The following KIAA1755 variants were observed in gnomAD, a reference collection of about 807,000 sequenced individuals.
The protein encoded by KIAA1755 is uncharacterized protein KIAA1755.
In KIAA1755, 68 loss-of-function variants were observed where a neutral mutation model predicts 91.7. The ratio of observed to expected loss-of-function variants is 0.74; its 90% CI spans 0.61 to 0.91. The LOEUF is 0.91. Ranked by LOEUF, KIAA1755 falls within the 40% of genes least tolerant of loss-of-function variation. The probability of loss-of-function intolerance (pLI) is 0.00; values close to 1 mark genes in which losing one functional copy is unlikely to be tolerated. For missense variants in KIAA1755, 1,535 were observed against 1,494.4 expected (o/e 1.03, Z -0.45); for synonymous variants, 610 against 604.6 (o/e 1.01, Z -0.13).
chr20:38,217,440 T>G lies in KIAA1755; in HGVS notation c.2714A>C (p.Gln905Pro). Residue 905 changes from glutamine (Q) to proline (P), a missense_variant, in exon 13 of 14, where the codon CAG becomes CCG. By Grantham distance (76) the Gln-to-Pro change is moderately conservative. Transcript: ENST00000279024. Reference sequence around the variant, plus strand: ...GGCTGTAGCTCCCAGCTGAGCGGCCTGCTTGGACAGCTCCAGGCCTCGGCG... The same window carrying G: ...GGCTGTAGCTCCCAGCTGAGCGGCCGGCTTGGACAGCTCCAGGCCTCGGCG... The part of the protein sequence containing the change: ...QYRRGLELSK[Q>P]AAQLGATARG... The G allele has an allele frequency of 6.2e-7, 1 of 1,612,330 alleles. No homozygotes were observed. The highest frequency in any genetic ancestry group is 1.1e-5 in the South Asian group (1 of 90,664).
chr20:38,233,453 C>T (rs560285216), intron 4 of KIAA1755: 27 of 152,244 alleles, frequency 1.8e-4, no homozygotes, highest in Admixed American at 5.9e-4. Context: ...AAAATCCTAT[C>T]GCAGCTGTTT....
chr20:38,213,642 G>C lies in KIAA1755; in HGVS notation c.3003C>G (p.Tyr1001Ter). The change falls in exon 14 of 14, where the codon TAC (tyrosine) becomes TAG (stop). Residue 1001 changes from tyrosine to a stop codon, truncating the protein, a stop_gained. Coordinates refer to ENST00000279024, the MANE Select transcript of KIAA1755 (RefSeq NM_001029864.2). LOFTEE classifies it low-confidence loss of function (END_TRUNC). Reference protein sequence around the residue: ...SPGDQRRLHRYLQRLASEFPA... With the variant: ...SPGDQRRLHR Reference sequence around the variant, plus strand: ...GGAACTCAGATGCCAGTCGCTGCAGGTAGCGGTGGAGGCGGCGCTGGTCCC... The same window carrying C: ...GGAACTCAGATGCCAGTCGCTGCAGCTAGCGGTGGAGGCGGCGCTGGTCCC... 1 of 1,610,270 alleles carries C rather than the reference G, an allele frequency of 6.2e-7. No individual in the cohort carries two copies. Among genetic ancestry groups the C allele is most frequent in the Non-Finnish European group, 8.5e-7 (1 of 1,178,272 alleles).
At chr20:38,259,784 GA>G (rs1402495783) in intron 1 of KIAA1755, among the ~76,000 whole-genome samples, 1 of 148,240 alleles carries the variant, frequency 6.7e-6, no homozygotes, top group African/African-American at 2.6e-5. Context: ...CCTGTTGCCA[GA>G]TACTGGCACA....
rs1344772973 is a variant in KIAA1755, at chr20:38,241,866, C to A, written c.265G>T (p.Val89Leu). The stretch of plus-strand genomic sequence containing the variant: ...GGGTTGAGGGGTGCCAAGTGGACCA[C>A]AACTTCATCCCTCAGACAGAGTGGC... ...GWPLCLRDEV[V>L]VHLAPLNPLL... Residue 89 changes from valine to leucine, a missense_variant, in exon 3 of 14, where the codon GTG becomes TTG. Physicochemically the swap from Val to Leu is conservative, Grantham distance 32. Coordinates refer to ENST00000279024, the MANE Select transcript of KIAA1755 (RefSeq NM_001029864.2). 3 of 1,614,010 alleles carry A rather than the reference C, an allele frequency of 1.9e-6. No homozygotes were observed. The highest frequency in any genetic ancestry group is 1.3e-5 in the African/African-American group (1 of 75,056).
intron 1 of KIAA1755, among the ~76,000 whole-genome samples, chr20:38,250,773 A>T (rs2076237462): frequency 2.0e-5 from 3 of 151,648 alleles, no homozygotes; most frequent in African/African-American, 7.3e-5. Flanking sequence ...TGGCCCTACT[A>T]CCCTAGCTTT....
At chr20:38,249,673 A>G (rs1446676645) in intron 1 of KIAA1755, among the ~76,000 whole-genome samples, 1 of 149,774 alleles carries the variant, frequency 6.7e-6, no homozygotes, top group Non-Finnish European at 1.5e-5. Flanking sequence ...AGGATGATGG[A>G]CCGACAGGCA....
chr20:38,225,706 G>A lies in KIAA1755; in HGVS notation c.2128C>T (p.Pro710Ser). The A allele has an allele frequency of 6.2e-7, 1 of 1,613,174 alleles. No homozygotes were observed. Among genetic ancestry groups the A allele is most frequent in the Non-Finnish European group, 8.5e-7 (1 of 1,179,574 alleles). ...CACTCGGTGTGGCAGTAGGGGAAGG[G>A]GCCTTCCAGGACTGCGGGCAGCTGG... ...PSQLPAVLEGPFPYCHTEWVH... is the reference protein window; with the variant it reads ...PSQLPAVLEGSFPYCHTEWVH... Residue 710 changes from proline to serine, a missense_variant, in exon 8 of 14, where the codon CCC (proline) becomes TCC (serine). Transcript: ENST00000279024.
intron 10 of KIAA1755, among the ~76,000 whole-genome samples, chr20:38,221,900 A>T (rs1053114681): frequency 6.6e-6 from 1 of 152,044 alleles, no homozygotes; most frequent in African/African-American, 2.4e-5. Flanking sequence ...TGGCTCTGAG[A>T]CCCCTGAGAC....
chr20:38,257,514 G>C (rs1404160118), intron 1 of KIAA1755, among the ~76,000 whole-genome samples: 1 of 149,574 alleles, frequency 6.7e-6, no homozygotes, highest in East Asian at 2.0e-4. Flanking sequence ...CTGGGAGGCA[G>C]AGATTGCAGT....
chr20:38,217,142 G>A (rs574496343), intron 13 of KIAA1755, 111 bp downstream of exon 13: 4 of 903,088 alleles, frequency 4.4e-6, no homozygotes, highest in Admixed American at 4.2e-5. Flanking sequence ...AAGGGATGGG[G>A]GCGGTGTCTA....
chr20:38,227,831 G>A, intron 6 of KIAA1755, among the ~76,000 whole-genome samples: 1 of 152,258 alleles, frequency 6.6e-6, no homozygotes, highest in East Asian at 1.9e-4. Context: ...GGGGCGCGGG[G>A]TGCCAAGCGG....
intron 1 of KIAA1755, among the ~76,000 whole-genome samples, chr20:38,256,609 G>C (rs1009176798): frequency 2.6e-5 from 4 of 152,136 alleles, no homozygotes; most frequent in Non-Finnish European, 4.4e-5. Context: ...TTCAAGACCA[G>C]CCTAGGCAAC....
intron 13 of KIAA1755, among the ~76,000 whole-genome samples, chr20:38,215,528 G>A (rs2075529484): frequency 6.6e-6 from 1 of 152,218 alleles, no homozygotes; most frequent in South Asian, 2.1e-4. Context: ...TGAGCACCCA[G>A]AAGCGACAAA....
intron 13 of KIAA1755, among the ~76,000 whole-genome samples, chr20:38,216,620 A>G (rs2075547542): frequency 6.6e-6 from 1 of 152,182 alleles, no homozygotes. Context: ...TTTTTTAAAG[A>G]GAGATTTGGC....
Position 38,241,230 on chromosome 20 carries a change from T to C in KIAA1755, c.901A>G (p.Thr301Ala). ...SREAGTSSGC[T>A]SGALEEIAGT... ...GCTATCTCCTCTAGTGCCCCAGAAGTACACCCACTGGATGTGCCTGCCTCC... is the reference window on the plus strand; with the variant it reads ...GCTATCTCCTCTAGTGCCCCAGAAGCACACCCACTGGATGTGCCTGCCTCC... Residue 301 changes from threonine to alanine, a missense_variant, in exon 3 of 14, where the codon ACT becomes GCT. Coordinates refer to ENST00000279024, the MANE Select transcript of KIAA1755 (RefSeq NM_001029864.2). 1.9e-6 allele frequency: 3 copies of C among 1,614,136 alleles called. No individual in the cohort carries two copies. Among genetic ancestry groups the C allele is most frequent in the Non-Finnish European group, 2.5e-6 (3 of 1,180,016 alleles).
rs200662079 is a variant in KIAA1755, at chr20:38,241,446, G to A, written c.685C>T (p.Pro229Ser). Residue 229 changes from proline to serine, a missense_variant, in exon 3 of 14, where the codon CCT becomes TCT. Physicochemically the swap from Pro to Ser is moderately conservative, Grantham distance 74 (BLOSUM62 -1). Coordinates refer to ENST00000279024, the MANE Select transcript of KIAA1755 (RefSeq NM_001029864.2). ...TTACCCTTGGCCAAACTCTGGGCAGGAAGCACCTGGTTGTCTGGGGAGCTG... is the reference window on the plus strand; with the variant it reads ...TTACCCTTGGCCAAACTCTGGGCAGAAAGCACCTGGTTGTCTGGGGAGCTG... Reference protein sequence around the residue: ...QASSPDNQVLPAQSLAKGKGR... With the variant: ...QASSPDNQVLSAQSLAKGKGR... The A allele has an allele frequency of 3.1e-6, 5 of 1,614,248 alleles. No homozygotes were observed. Among genetic ancestry groups the A allele is most frequent in the African/African-American group, 2.7e-5 (2 of 75,070 alleles).
chr20:38,224,930 C>G (rs767918157), intron 8 of KIAA1755, among the ~76,000 whole-genome samples: 2 of 152,172 alleles, frequency 1.3e-5, no homozygotes, highest in Non-Finnish European at 2.9e-5. Context: ...AGGAGGGAAC[C>G]AGACCCTGAG....
At position 38,246,003 on chromosome 20, in the gene KIAA1755, C is replaced by A. The variant is rs1304174748; in HGVS notation, c.127G>T (p.Asp43Tyr). The A allele has an allele frequency of 1.2e-6, 2 of 1,614,172 alleles. No individual in the cohort carries two copies. The highest frequency in any genetic ancestry group is 1.7e-5 in the Admixed American group (1 of 60,026). ...AAATCCAGAAGGAAGCTCAGCCCAT[C>A]CCCCTGGAAGCCAGAGTCCAGGAGA... is the stretch of plus-strand genomic sequence containing the variant. ...FRLLDSGFQG[D>Y]GLSFLLDFLI... Residue 43 changes from aspartate (D) to tyrosine (Y), a missense_variant, in exon 2 of 14, where the codon GAT becomes TAT. Transcript: ENST00000279024.
At chr20:38,230,607 G>A (rs1326425930) in intron 5 of KIAA1755, among the ~76,000 whole-genome samples, 5 of 152,152 alleles carry the variant, frequency 3.3e-5, no homozygotes, top group African/African-American at 7.2e-5. Flanking sequence ...TTTGAAAACC[G>A]GCCAGGCACG....
Sources: gnomAD v4.1 joint callset for allele counts (sites outside exome capture counted in the v4.1 genomes callset) on GRCh38, gnomAD v4.1.1 for gene constraint, MANE v1.5 for transcripts, NCBI Gene and HGNC (gene_info 2026-07-23, HGNC 2026-07-21) for gene names.